The following KANSL1 variants were observed in gnomAD, a reference collection of about 807,000 sequenced individuals.
KANSL1 encodes KAT8 regulatory NSL complex subunit 1, also known as MLL1/MLL complex subunit KANSL1.
In KANSL1, 22 loss-of-function variants were observed where a neutral mutation model predicts 103.6. That is an observed-to-expected ratio of 0.21 (90% confidence interval 0.15 to 0.30). The LOEUF (loss-of-function observed/expected upper bound fraction) is 0.30. Ranked by LOEUF, KANSL1 falls within the 10% of genes least tolerant of loss-of-function variation. KANSL1 has a pLI of 1.00. For synonymous variants in KANSL1, 600 were observed against 527.6 expected, an observed-to-expected ratio of 1.14 and a Z score of -1.88; for missense variants, 1,337 against 1,399.8, an observed-to-expected ratio of 0.96 and a Z score of 0.72.
chr17:46,073,934 A>G (rs2078666946), intron 4 of KANSL1, among the ~76,000 whole-genome samples: 1 of 152,170 alleles, frequency 6.6e-6, no homozygotes, highest in Non-Finnish European at 1.5e-5. Flanking sequence ...GCTGTGTTGA[A>G]CTGGTATGAA....
intron 2 of KANSL1, among the ~76,000 whole-genome samples, chr17:46,153,385 A>G (rs2045232436): frequency 6.6e-6 from 1 of 152,270 alleles, no homozygotes; most frequent in Non-Finnish European, 1.5e-5. Context: ...CTTATTAGTA[A>G]CTTTATCTTT....
chr17:46,043,277 T>C (rs923419562), intron 7 of KANSL1: 1 of 151,168 alleles, frequency 6.6e-6, no homozygotes, highest in Non-Finnish European at 1.5e-5. Context: ...TTTTCCCCCA[T>C]CGTTCTCCCA....
intron 3 of KANSL1, among the ~76,000 whole-genome samples, chr17:46,083,949 G>C (rs1247008242): frequency 6.6e-6 from 1 of 152,050 alleles, no homozygotes; most frequent in East Asian, 1.9e-4. Flanking sequence ...CTGCAGAAAA[G>C]GGGAAAACAT....
At chr17:46,175,310 C>CTCTG (rs1208763132) in intron 1 of KANSL1, among the ~76,000 whole-genome samples, 3 of 137,478 alleles carry the variant, frequency 2.2e-5, no homozygotes, top group Admixed American at 7.2e-5. Context: ...TGTCTTATTG[C>CTCTG]TGTGTGTGTG....
At chr17:46,196,313 T>A (rs1260970666), upstream of KANSL1, 2 of 455,636 alleles carry the variant, frequency 4.4e-6, no homozygotes, top group Admixed American at 2.4e-5. Flanking sequence ...GACTCTCCAA[T>A]ATCCACTCTA....
chr17:46,185,692 TACACACACACAC>T (rs58833932), intron 1 of KANSL1, among the ~76,000 whole-genome samples: 14,975 of 144,422 alleles, frequency 0.1, 1,185 homozygotes, highest in Non-Finnish European at 0.14. Context: ...CACACATATA[TACACACACACAC>T]ACACACACAC....
intron 2 of KANSL1, among the ~76,000 whole-genome samples, chr17:46,149,706 A>T (rs926407160): frequency 6.6e-6 from 1 of 152,200 alleles, no homozygotes; most frequent in Non-Finnish European, 1.5e-5. Context: ...GTGATTTCTG[A>T]TTTAAAAGTC....
At chr17:46,180,866 C>T (rs540960317) in intron 1 of KANSL1, among the ~76,000 whole-genome samples, 25 of 152,152 alleles carry the variant, frequency 1.6e-4, no homozygotes, top group Middle Eastern at 3.4e-3. Context: ...TATATATATA[C>T]ACACACATAT....
intron 6 of KANSL1, among the ~76,000 whole-genome samples, chr17:46,060,168 T>C (rs1304544703): frequency 6.6e-6 from 1 of 152,238 alleles, no homozygotes; most frequent in Admixed American, 6.5e-5. Flanking sequence ...CTATTCACCA[T>C]TTTCTGTTAA....
At chr17:46,137,312 C>T (rs1380709517) in intron 2 of KANSL1, among the ~76,000 whole-genome samples, 1 of 152,232 alleles carries the variant, frequency 6.6e-6, no homozygotes, top group Non-Finnish European at 1.5e-5. Context: ...GATATTCCAA[C>T]TTGTTATGAT....
intron 7 of KANSL1, chr17:46,044,998 T>C (rs369490751): frequency 1.3e-5 from 2 of 152,130 alleles, no homozygotes. Flanking sequence ...ATCAAAATCA[T>C]TTTTAACCTT....
chr17:46,059,790 C>T (rs907837965), intron 6 of KANSL1, among the ~76,000 whole-genome samples: 2 of 152,066 alleles, frequency 1.3e-5, no homozygotes. Flanking sequence ...TCTTGACTCA[C>T]TGCAACCTCT....
intron 2 of KANSL1, among the ~76,000 whole-genome samples, chr17:46,168,330 G>C (rs914434653): frequency 6.6e-6 from 1 of 152,072 alleles, no homozygotes; most frequent in Non-Finnish European, 1.5e-5. Flanking sequence ...ATGCTTTACT[G>C]GTGGTTTTAG....
At chr17:46,198,612 G>A (rs1037270517), upstream of KANSL1, among the ~76,000 whole-genome samples, 13 of 152,032 alleles carry the variant, frequency 8.6e-5, no homozygotes, top group Non-Finnish European at 1.8e-4. Flanking sequence ...CATGCCTATA[G>A]TCCTAGCTAC....
In KANSL1 at chr17:46,100,078, CAGTT is replaced by C. The variant is rs541964970; in HGVS notation, c.1290-5381_1290-5378del. Among the ~76,000 whole-genome samples, 887 of 152,224 alleles carry C rather than the reference CAGTT, an allele frequency of 5.8e-3. 3 individuals are homozygous for C. Among genetic ancestry groups the C allele is most frequent in the Non-Finnish European group, 9.4e-3 (641 of 68,002 alleles). ...TTGTACTTTAATCGTTCTTTTTACA[CAGTT>C]AGACTATTACCACAGAGAATTGAGA... On this transcript the variant is annotated intron_variant, in intron 2 of 14. Transcript: ENST00000432791.
intron 2 of KANSL1, among the ~76,000 whole-genome samples, chr17:46,165,217 ACT>A (rs1163562463): frequency 4.1e-4 from 63 of 152,284 alleles, no homozygotes; most frequent in Admixed American, 1.2e-3. Flanking sequence ...AGTAAGAGTT[ACT>A]TTTTTTTATT....
intron 1 of KANSL1, among the ~76,000 whole-genome samples, chr17:46,177,979 A>G (rs534153733): frequency 2.0e-5 from 3 of 152,154 alleles, no homozygotes; most frequent in African/African-American, 4.8e-5. Flanking sequence ...GGGTTTCACC[A>G]TGTTAGCCAG....
At chr17:46,047,256 G>A (rs956389211) in intron 7 of KANSL1, among the ~76,000 whole-genome samples, 4 of 152,122 alleles carry the variant, frequency 2.6e-5, no homozygotes, top group African/African-American at 9.7e-5. Context: ...GCAGAACAGG[G>A]GATTATAGTT....
chr17:46,082,517 G>A lies in KANSL1; in HGVS notation c.1457C>T (p.Pro486Leu), dbSNP rs914530267. ...NKGLIVLGEV[P>L]PPEHTTDLFL... Reference sequence around the variant, plus strand: ...TAAGTCTGTTGTATGCTCTGGGGGAGGTACCTCCCCAAGAACTATCAACCC... The same window carrying A: ...TAAGTCTGTTGTATGCTCTGGGGGAAGTACCTCCCCAAGAACTATCAACCC... Residue 486 changes from proline (P) to leucine (L), a missense_variant, in exon 4 of 15, where the codon CCT becomes CTT. By Grantham distance (98) the Pro-to-Leu change is moderately conservative. Transcript: ENST00000432791. 1.9e-6 allele frequency: 3 copies of A among 1,611,122 alleles called. No homozygotes were observed. The African/African-American group carries it at 4.0e-5, about 22-fold the overall frequency.
Sources: gnomAD v4.1 joint callset for allele counts (sites outside exome capture counted in the v4.1 genomes callset) on GRCh38, gnomAD v4.1.1 for gene constraint, MANE v1.5 for transcripts, NCBI Gene and HGNC (gene_info 2026-07-23, HGNC 2026-07-21) for gene names.